The following COL13A1 variants were observed in gnomAD, a reference collection of about 807,000 sequenced individuals.
COL13A1 encodes collagen alpha-1(XIII) chain.
A neutral mutation model predicts 130.9 loss-of-function variants in COL13A1; 89 were observed. The observed-to-expected ratio is 0.68, with a 90% CI of 0.57 to 0.81. COL13A1 has a LOEUF of 0.81. Among genes scored for constraint, COL13A1 ranks in the 30% least tolerant of loss-of-function variants. COL13A1 has a pLI of 0.00. For synonymous variants in COL13A1, 402 were observed against 341.6 expected, an observed-to-expected ratio of 1.18 and a Z score of -1.95; for missense variants, 879 against 934.6, an observed-to-expected ratio of 0.94 and a Z score of 0.78.
chr10:69,918,993 C>T, intron 19 of COL13A1, 69 bp from the exon 20 acceptor site: 1 of 1,602,126 alleles, frequency 6.2e-7, no homozygotes, highest in Non-Finnish European at 8.5e-7. Flanking sequence ...CCACCTCCAC[C>T]AACAGGTGCC....
chr10:69,957,011 A>G lies in COL13A1; in HGVS notation c.2153A>G (p.Asp718Gly). 1 of 1,613,788 alleles carries G rather than the reference A, an allele frequency of 6.2e-7. No homozygotes were observed. Among genetic ancestry groups the G allele is most frequent in the East Asian group, 2.2e-5 (1 of 44,878 alleles). Residue 718 changes from aspartate (D) to glycine (G), a missense_variant, in exon 40 of 41, where the codon GAT becomes GGT. Physicochemically the swap from Asp to Gly is moderately conservative, Grantham distance 94. Coordinates refer to ENST00000645393, the MANE Select transcript of COL13A1 (RefSeq NM_001368882.1). ...GLDAPCPLGE[D>G]GLPVQGCWNK ...CTTCCTTTCTCCTTGCAGGGCGAAGATGGCTTACCAGTCCAAGGCTGCTGG... is the reference window on the plus strand; with the variant it reads ...CTTCCTTTCTCCTTGCAGGGCGAAGGTGGCTTACCAGTCCAAGGCTGCTGG...
intron 13 of COL13A1, among the ~76,000 whole-genome samples, chr10:69,897,019 T>C (rs1227745): frequency 0.99 from 150,615 of 152,310 alleles, 74,482 homozygotes; most frequent in East Asian, 1. Flanking sequence ...TCTTAGTAAG[T>C]GCTTGGGGTG....
chr10:69,950,416 G>A (rs1374329003), intron 38 of COL13A1, among the ~76,000 whole-genome samples: 1 of 152,162 alleles, frequency 6.6e-6, no homozygotes, highest in Non-Finnish European at 1.5e-5. Flanking sequence ...CATAGTGTCC[G>A]TTACCTGTTG....
intron 1 of COL13A1, among the ~76,000 whole-genome samples, chr10:69,816,965 C>A (rs1844714382): frequency 6.6e-6 from 1 of 152,110 alleles, no homozygotes; most frequent in Non-Finnish European, 1.5e-5. Flanking sequence ...CGTTTTTATG[C>A]TGGGAATAAC....
At chr10:69,936,103 A>AG (rs1177933237) in intron 32 of COL13A1, among the ~76,000 whole-genome samples, 1 of 706 alleles carries the variant, frequency 1.4e-3, no homozygotes, top group South Asian at 0.071. Flanking sequence ...GAGGGAAGGG[A>AG]GGAAGGAAGG....
intron 2 of COL13A1, among the ~76,000 whole-genome samples, chr10:69,852,490 G>C (rs537190146): frequency 6.6e-6 from 1 of 152,274 alleles, no homozygotes; most frequent in African/African-American, 2.4e-5. Context: ...AAGCTCGACT[G>C]CTAGAAGATG....
At chr10:69,932,465 C>T (rs774529456) in intron 30 of COL13A1, 95 bp from the exon 31 acceptor site, 21 of 841,838 alleles carry the variant, frequency 2.5e-5, no homozygotes, top group Middle Eastern at 2.9e-4. Context: ...CTAGACCAGT[C>T]ACGTCCCAGT....
intron 2 of COL13A1, among the ~76,000 whole-genome samples, chr10:69,853,214 C>G (rs1855462468): frequency 6.6e-6 from 1 of 152,208 alleles, no homozygotes; most frequent in African/African-American, 2.4e-5. Flanking sequence ...ACCAGAGACG[C>G]CTCACCCTCT....
intron 2 of COL13A1, among the ~76,000 whole-genome samples, chr10:69,851,698 A>G (rs1470446582): frequency 6.6e-6 from 1 of 152,124 alleles, no homozygotes; most frequent in Non-Finnish European, 1.5e-5. Flanking sequence ...TCTGTTGTCC[A>G]GGCTGGAGTG....
chr10:69,953,036 GA>G (rs1219564662), intron 39 of COL13A1, 68 bp downstream of exon 39: 1 of 1,221,356 alleles, frequency 8.2e-7, no homozygotes, highest in East Asian at 2.8e-5. Context: ...TGGAAACAAA[GA>G]AGGCAAATAA....
chr10:69,926,864 T>G (rs771887657), intron 26 of COL13A1, among the ~76,000 whole-genome samples: 7 of 152,180 alleles, frequency 4.6e-5, no homozygotes, highest in Non-Finnish European at 8.8e-5. Flanking sequence ...TAATCATGCT[T>G]AGGAGATGCT....
At chr10:69,867,007 G>C (rs940461370) in intron 2 of COL13A1, among the ~76,000 whole-genome samples, 2 of 152,116 alleles carry the variant, frequency 1.3e-5, no homozygotes, top group Non-Finnish European at 2.9e-5. Context: ...ATCTTTCTGG[G>C]ACTGCTTTTC....
At chr10:69,845,237 G>C (rs61849241) in intron 2 of COL13A1, among the ~76,000 whole-genome samples, 10,993 of 149,464 alleles carry the variant, frequency 0.074, 468 homozygotes, top group South Asian at 0.16. Flanking sequence ...CTGTCACCCA[G>C]GCTGGAGTGC....
At chr10:69,875,659 G>A (rs1009456057) in intron 5 of COL13A1, among the ~76,000 whole-genome samples, 6 of 152,268 alleles carry the variant, frequency 3.9e-5, no homozygotes, top group Non-Finnish European at 8.8e-5. Context: ...AAGTCCTCAC[G>A]AGGAGGCTGA....
chr10:69,867,200 G>A (rs973212729), intron 2 of COL13A1, among the ~76,000 whole-genome samples: 21 of 152,338 alleles, frequency 1.4e-4, no homozygotes, highest in African/African-American at 4.6e-4. Flanking sequence ...GGGTGGGGCC[G>A]GAGCCCGAGA....
chr10:69,804,882 T>C (rs900247863), intron 1 of COL13A1, among the ~76,000 whole-genome samples: 1 of 142,328 alleles, frequency 7.0e-6, no homozygotes, highest in African/African-American at 2.6e-5. Context: ...GGGGAATGCA[T>C]TACATGCAAC....
At chr10:69,903,306 C>T (rs1016410196) in intron 15 of COL13A1, among the ~76,000 whole-genome samples, 2 of 152,244 alleles carry the variant, frequency 1.3e-5, no homozygotes, top group Non-Finnish European at 2.9e-5. Context: ...GGGCCACCTG[C>T]CAGCTGAGCT....
chr10:69,811,242 A>T (rs17497293), intron 1 of COL13A1, among the ~76,000 whole-genome samples: 1 of 151,834 alleles, frequency 6.6e-6, no homozygotes, highest in African/African-American at 2.4e-5. Flanking sequence ...TCGGTTTTTT[A>T]TCCGCTCTTT....
At chr10:69,853,391 G>A (rs1855521166) in intron 2 of COL13A1, among the ~76,000 whole-genome samples, 1 of 152,118 alleles carries the variant, frequency 6.6e-6, no homozygotes. Context: ...CCTCGACTCA[G>A]CTTCTTAACC....
Sources: allele counts gnomAD v4.1 joint callset (sites outside exome capture counted in the v4.1 genomes callset), GRCh38; gene constraint gnomAD v4.1.1; transcripts MANE v1.5; gene names NCBI Gene and HGNC (gene_info 2026-07-23, HGNC 2026-07-21).